Variants in PPP1R12A observed in about 807,000 individuals in gnomAD.
The protein encoded by PPP1R12A is myosin binding subunit.
A neutral mutation model predicts 139.6 loss-of-function variants in PPP1R12A; 19 were observed. The ratio of observed to expected loss-of-function variants is 0.14; its 90% confidence interval spans 0.09 to 0.20. The LOEUF (loss-of-function observed/expected upper bound fraction) is 0.20, where lower values mean the gene tolerates loss of function less well. Among genes scored for constraint, PPP1R12A ranks in the 10% least tolerant of loss-of-function variants. PPP1R12A has a pLI of 1.00. For missense variants in PPP1R12A, 925 were observed against 1,211.5 expected (o/e 0.76, Z 3.51); for synonymous variants, 427 against 420.6 (o/e 1.02, Z -0.19).
chr12:79,795,770 T>A lies in PPP1R12A; in HGVS notation c.2462-11A>T, dbSNP rs1243506610. On this transcript the variant is annotated splice_polypyrimidine_tract_variant and intron_variant, in intron 17 of 24. Transcript: ENST00000450142. ...CTCTTTTTTCTCCCTCTGTTAAGGA[T>A]TGCAATGAACCACAATATAGCAATA... 1 of 1,607,424 alleles carries A rather than the reference T, an allele frequency of 6.2e-7. No individual in the cohort carries two copies. The highest frequency in any genetic ancestry group is 1.7e-5 in the Admixed American group (1 of 59,194).
chr12:79,845,215 G>T, intron 3 of PPP1R12A, 87 bp downstream of exon 3: 1 of 933,154 alleles, frequency 1.1e-6, no homozygotes, highest in Non-Finnish European at 1.7e-6. Context: ...AATTATGATT[G>T]CCCTTCAATG....
intron 2 of PPP1R12A, among the ~76,000 whole-genome samples, chr12:79,865,677 GACAA>G (rs1435244294): frequency 5.3e-5 from 8 of 152,154 alleles, no homozygotes; most frequent in East Asian, 1.9e-4. Context: ...CACCAAAACA[GACAA>G]ACAGAGAGCC....
At chr12:79,808,389 A>G in intron 11 of PPP1R12A, 94 bp downstream of exon 11, 1 of 859,702 alleles carries the variant, frequency 1.2e-6, no homozygotes, top group Non-Finnish European at 1.9e-6. Context: ...CACAATACAT[A>G]TCCGCACATA....
chr12:79,808,023 G>A (rs1023857849), intron 11 of PPP1R12A, among the ~76,000 whole-genome samples: 3 of 151,162 alleles, frequency 2.0e-5, no homozygotes, highest in Admixed American at 6.6e-5. Context: ...GTGACAGAGC[G>A]AGACTCTGTC....
chr12:79,868,320 G>A (rs1384772794), intron 2 of PPP1R12A, among the ~76,000 whole-genome samples: 1 of 152,082 alleles, frequency 6.6e-6, no homozygotes, highest in Non-Finnish European at 1.5e-5. Context: ...AAGTCATACT[G>A]TTCCATTTCA....
chr12:79,804,094 A>G (rs1405004782), intron 14 of PPP1R12A, among the ~76,000 whole-genome samples: 3 of 152,114 alleles, frequency 2.0e-5, no homozygotes, highest in Non-Finnish European at 4.4e-5. Context: ...TTCTGACTCA[A>G]AGATAATTCT....
chr12:79,842,575 T>TTGTGTG (rs148792533), intron 3 of PPP1R12A, among the ~76,000 whole-genome samples: 4,403 of 143,886 alleles, frequency 0.031, 84 homozygotes, highest in African/African-American at 0.06. Context: ...ATGTGGCACT[T>TTGTGTG]TGTGTGTGTG....
At position 79,796,798 on chromosome 12, in the gene PPP1R12A, T is replaced by G. The variant is rs1249693301; in HGVS notation, c.2445A>C (p.Thr815=). 1.1e-5 allele frequency: 17 copies of G among 1,605,220 alleles called. No homozygotes were observed. The highest frequency in any genetic ancestry group is 1.4e-5 in the Non-Finnish European group (17 of 1,176,106). Residue 815 remains threonine, a synonymous_variant, in exon 17 of 25, where the codon ACA becomes ACC. Transcript: ENST00000450142. Reference sequence around the variant, plus strand: ...TATTCTTACCTCTTTCATTTTCTTTTGTTATTCCTCTGGAGTAAGCAGAAG... The same window carrying G: ...TATTCTTACCTCTTTCATTTTCTTTGGTTATTCCTCTGGAGTAAGCAGAAG... ...GITSAYSRGI[T]KENEREGEKR... is the part of the protein sequence containing the mutation.
chr12:79,837,350 A>G (rs1878204763), intron 3 of PPP1R12A, among the ~76,000 whole-genome samples: 1 of 152,176 alleles, frequency 6.6e-6, no homozygotes, highest in Non-Finnish European at 1.5e-5. Flanking sequence ...ATGTGTCCCT[A>G]GATAAATAAA....
chr12:79,860,126 T>C (rs1881152948), intron 2 of PPP1R12A, among the ~76,000 whole-genome samples: 1 of 152,172 alleles, frequency 6.6e-6, no homozygotes, highest in South Asian at 2.1e-4. Context: ...CTATTCAAGA[T>C]AAAAGCATGC....
At chr12:79,930,590 T>A (rs544345435) in intron 1 of PPP1R12A, among the ~76,000 whole-genome samples, 3 of 152,004 alleles carry the variant, frequency 2.0e-5, no homozygotes, top group Non-Finnish European at 4.4e-5. Context: ...CTGATCAACA[T>A]AGAGAAACCG....
intron 2 of PPP1R12A, 93 bp downstream of exon 2, chr12:79,872,715 A>G (rs1188302520): frequency 2.3e-6 from 3 of 1,321,292 alleles, no homozygotes; most frequent in African/African-American, 1.5e-5. Context: ...TTAAAGTAAT[A>G]TAAGAGTTCA....
At chr12:79,818,776 A>C (rs1406367035) in intron 8 of PPP1R12A, 1 of 152,252 alleles carries the variant, frequency 6.6e-6, no homozygotes, top group Non-Finnish European at 1.5e-5. Flanking sequence ...AGAACACTGA[A>C]GAAAAACTGT....
chr12:79,880,883 TC>T (rs1373563939), intron 1 of PPP1R12A, among the ~76,000 whole-genome samples: 1 of 152,168 alleles, frequency 6.6e-6, no homozygotes, highest in African/African-American at 2.4e-5. Context: ...CATGTCTGTG[TC>T]ACATTTTGGT....
intron 1 of PPP1R12A, among the ~76,000 whole-genome samples, chr12:79,885,738 T>C (rs898539170): frequency 2.6e-5 from 4 of 152,212 alleles, no homozygotes; most frequent in Admixed American, 6.5e-5. Context: ...CCCGAAATGC[T>C]TGCAATTTGT....
intron 2 of PPP1R12A, among the ~76,000 whole-genome samples, chr12:79,853,464 T>C (rs894881086): frequency 2.6e-5 from 4 of 152,234 alleles, no homozygotes; most frequent in Non-Finnish European, 5.9e-5. Context: ...GAGTTTTTAG[T>C]TGTACTCAGC....
rs1156809600 is a variant in PPP1R12A at position 79,911,663 on chromosome 12, T to C, written c.237+23032A>G. ...CTGTTTTACCTTGTTTAATGGAGCA[T>C]CTCCCAAACATATCATAATTTTTTT... is the stretch of plus-strand genomic sequence containing the variant. On this transcript the variant is annotated intron_variant, in intron 1 of 24. Transcript: ENST00000450142. Among the ~76,000 whole-genome samples the C allele has an allele frequency of 3.3e-5, 5 of 152,028 alleles. No homozygotes were observed. The East Asian group carries it at 9.7e-4, about 29-fold the overall frequency.
intron 1 of PPP1R12A, among the ~76,000 whole-genome samples, chr12:79,913,500 A>T (rs1216414338): frequency 6.6e-6 from 1 of 152,150 alleles, no homozygotes; most frequent in African/African-American, 2.4e-5. Context: ...ATCTGTCTGG[A>T]TCTTTTTCCA....
chr12:79,906,661 G>A (rs1034244853), intron 1 of PPP1R12A, among the ~76,000 whole-genome samples: 3 of 151,966 alleles, frequency 2.0e-5, no homozygotes, highest in African/African-American at 7.3e-5. Context: ...TTAAGACAGA[G>A]TCCCACTCTG....
Sources: allele counts gnomAD v4.1 joint callset (sites outside exome capture counted in the v4.1 genomes callset), GRCh38; gene constraint gnomAD v4.1.1; transcripts MANE v1.5; gene names NCBI Gene and HGNC (gene_info 2026-07-23, HGNC 2026-07-21).